The following ROS1 variants were observed in gnomAD, a reference collection of about 807,000 sequenced individuals.
ROS1 encodes the protein proto-oncogene tyrosine-protein kinase ROS.
ROS1 carries 263 observed loss-of-function variants against 273.5 expected under a neutral mutation model. That is an observed-to-expected ratio of 0.96 (90% CI 0.87 to 1.06). The LOEUF (loss-of-function observed/expected upper bound fraction) is 1.06. Among genes scored for constraint, ROS1 ranks in the 50% least tolerant of loss-of-function variants. The probability of loss-of-function intolerance (pLI) is 0.00; values close to 1 mark genes in which losing one functional copy is unlikely to be tolerated. For missense variants in ROS1, 2,833 were observed against 2,751.1 expected (o/e 1.03, Z -0.67); for synonymous variants, 1,008 against 954.1 (o/e 1.06, Z -1.04).
chr6:117,351,785 G>C (rs946696569), intron 27 of ROS1, among the ~76,000 whole-genome samples: 8 of 152,158 alleles, frequency 5.3e-5, no homozygotes, highest in African/African-American at 1.9e-4. Flanking sequence ...TTTTTGGGTG[G>C]AGTGGCAATT....
intron 18 of ROS1, among the ~76,000 whole-genome samples, chr6:117,372,336 A>C (rs1301422935): frequency 6.6e-6 from 1 of 152,236 alleles, no homozygotes; most frequent in Non-Finnish European, 1.5e-5. Flanking sequence ...ATGATCATAT[A>C]TCTAGAAAAC....
At chr6:117,342,699 T>C (rs887786405) in intron 28 of ROS1, among the ~76,000 whole-genome samples, 155 bp from the exon 29 acceptor site, 1 of 152,190 alleles carries the variant, frequency 6.6e-6, no homozygotes, top group Non-Finnish European at 1.5e-5. Context: ...CTGTCCAATC[T>C]ACCCAGACCT....
Position 117,310,159 on chromosome 6 carries a change from C to T in ROS1, c.6338G>A (p.Gly2113Glu), listed in dbSNP as rs757128233. Residue 2113 changes from glycine (G) to glutamate (E), a missense_variant, in exon 41 of 44, where the codon GGG becomes GAG. Transcript: ENST00000368507. ...CCACCGAACTGGGAGCAGGCCTTCC[C>T]CTCTCTTTCTATAGTAATCATTTTT... ...IYKNDYYRKR[G>E]EGLLPVRWMA... 1.9e-6 allele frequency: 3 copies of T among 1,613,482 alleles called. No individual in the cohort carries two copies. In the South Asian group the frequency reaches 3.3e-5, roughly 18 times the overall value.
intron 1 of ROS1, 77 bp from the exon 2 acceptor site, chr6:117,418,583 C>A: frequency 5.5e-6 from 6 of 1,100,300 alleles, no homozygotes; most frequent in Non-Finnish European, 7.8e-6. Context: ...TTTAAAAAAG[C>A]TTCCTGAAAT....
intron 4 of ROS1, among the ~76,000 whole-genome samples, chr6:117,412,605 C>CAGATAGAT (rs3836982): frequency 0.012 from 1,848 of 151,254 alleles, 9 homozygotes; most frequent in Middle Eastern, 0.041. Context: ...GATAGATAGA[C>CAGATAGAT]AGATAGATAG....
chr6:117,418,471 CA>C lies in ROS1; in HGVS notation c.158del (p.Leu53ArgfsTer15). 11 of 1,597,220 alleles carry C rather than the reference CA, an allele frequency of 6.9e-6. No homozygotes were observed. The highest frequency in any genetic ancestry group is 8.5e-6 in the Non-Finnish European group (10 of 1,173,970). ...QQLDLGTPHN[L>X]SEPCIQGCHF... ...TGAAGAAATTACTTACCGGTTCACT[CA>C]GATTATGTGGTGTGCCAAGGTCAAG... On this transcript the variant is annotated frameshift_variant, in exon 2 of 44. Transcript: ENST00000368507. LOFTEE classifies it high-confidence loss of function.
At chr6:117,350,788 C>T (rs1159714949) in intron 27 of ROS1, among the ~76,000 whole-genome samples, 1 of 151,498 alleles carries the variant, frequency 6.6e-6, no homozygotes, top group Non-Finnish European at 1.5e-5. Context: ...TACTATTAAG[C>T]CCATCAAACA....
rs141385549 is a variant in ROS1 at position 117,365,159 on chromosome 6, C to T, written c.3004G>A (p.Gly1002Arg). 1.9e-6 allele frequency: 3 copies of T among 1,612,772 alleles called. No individual in the cohort carries two copies. The African/African-American group carries it at 4.0e-5, about 22-fold the overall frequency. ...TTAAATAAGGCATAAGGTTCCAGTC[C>T]TTCCACAGTAAATACAGGTAAAGAG... ...QHSLPVFTVE[G>R]LEPYALFNLS... is the part of the protein sequence containing the mutation. The change falls in exon 21 of 44, where the codon GGA (glycine) becomes AGA (arginine). Residue 1002 changes from glycine to arginine, a missense_variant. Coordinates refer to ENST00000368507, the MANE Select transcript of ROS1 (RefSeq NM_001378902.1).
intron 3 of ROS1, 40 bp downstream of exon 3, chr6:117,416,218 G>T (rs760001926): frequency 1.1e-5 from 13 of 1,205,490 alleles, no homozygotes; most frequent in Non-Finnish European, 1.6e-5. Context: ...CCTCTTGAAA[G>T]AAACATCAGT....
At position 117,288,724 on chromosome 6, in the gene ROS1, C is replaced by A. The variant is rs749542060; in HGVS notation, c.6794G>T (p.Gly2265Val). 3.1e-6 allele frequency: 5 copies of A among 1,614,018 alleles called. No homozygotes were observed. The highest frequency in any genetic ancestry group is 2.5e-6 in the Non-Finnish European group (3 of 1,179,980). ...VALMETKNRE[G>V]LNYMVLATEC... ...TGTAGCAAGTACCATATAGTTTAAC[C>A]CTTCTCGGTTCTTCGTTTCCATTAA... Residue 2265 changes from glycine (G) to valine (V), a missense_variant, in exon 44 of 44, where the codon GGG (glycine) becomes GTG (valine). Transcript: ENST00000368507.
rs117275980 is a variant in ROS1 at position 117,298,886 on chromosome 6, T to A, written c.6715+2088A>T. ...ATTTTTTTAATTATCAAAATTTTAT[T>A]CAGAGAAATGTCTCATTAAGTAAAT... is the stretch of plus-strand genomic sequence containing the variant. On this transcript the variant is annotated intron_variant, in intron 43 of 43. Coordinates refer to ENST00000368507, the MANE Select transcript of ROS1 (RefSeq NM_001378902.1). Among the ~76,000 whole-genome samples the A allele has an allele frequency of 1.6e-3, 249 of 152,312 alleles. 3 individuals are homozygous for A. Among genetic ancestry groups the A allele is most frequent in the East Asian group, 8.1e-3 (42 of 5,172 alleles).
intron 43 of ROS1, among the ~76,000 whole-genome samples, chr6:117,295,144 C>T (rs1774126464): frequency 1.3e-5 from 2 of 151,930 alleles, no homozygotes; most frequent in South Asian, 2.1e-4. Context: ...GAATGGAATA[C>T]ATAAAAAAGA....
chr6:117,419,234 G>A (rs1775569102), intron 1 of ROS1, among the ~76,000 whole-genome samples: 1 of 152,164 alleles, frequency 6.6e-6, no homozygotes, highest in Non-Finnish European at 1.5e-5. Context: ...CTGGAACACT[G>A]CCTGCTAGAA....
rs780260360 is a variant in ROS1, at chr6:117,366,179, A to G, written c.2694T>C (p.Ile898=). Residue 898 remains isoleucine (I), a synonymous_variant, in exon 19 of 44, where the codon ATT becomes ATC. Transcript: ENST00000368507. ...GRLFWINGFR[I]ITTQEIGQKT... ...TCTGACCTATTTCTTGAGTTGTGATAATCCTAAAGCCATTGATCCAGAACA... is the reference window on the plus strand; with the variant it reads ...TCTGACCTATTTCTTGAGTTGTGATGATCCTAAAGCCATTGATCCAGAACA... 3.1e-6 allele frequency: 5 copies of G among 1,613,974 alleles called. No homozygotes were observed. The highest frequency in any genetic ancestry group is 3.3e-5 in the Admixed American group (2 of 60,004).
intron 7 of ROS1, among the ~76,000 whole-genome samples, chr6:117,402,451 C>T (rs1399733941): frequency 6.6e-6 from 1 of 152,228 alleles, no homozygotes; most frequent in Admixed American, 6.5e-5. Context: ...GCCTCTCCTT[C>T]CCTCTTCACT....
chr6:117,387,770 A>T lies in ROS1; in HGVS notation c.1999+10T>A, dbSNP rs145328913. On this transcript the variant is annotated intron_variant, in intron 14 of 43. Transcript: ENST00000368507. Reference sequence around the variant, plus strand: ...GAGAGTCACTCCCTAAATCCAGAACATTTTCTCACCTGGCACCAGGGTAGT... The same window carrying T: ...GAGAGTCACTCCCTAAATCCAGAACTTTTTCTCACCTGGCACCAGGGTAGT... The T allele has an allele frequency of 6.2e-7, 1 of 1,608,728 alleles. No homozygotes were observed. The highest frequency in any genetic ancestry group is 1.3e-5 in the African/African-American group (1 of 74,698).
At chr6:117,350,228 T>G (rs1778714618) in intron 27 of ROS1, among the ~76,000 whole-genome samples, 1 of 152,060 alleles carries the variant, frequency 6.6e-6, no homozygotes, top group Non-Finnish European at 1.5e-5. Context: ...TATTGCTCCT[T>G]CTCTTTTGAA....
intron 9 of ROS1, among the ~76,000 whole-genome samples, chr6:117,395,733 A>G (rs186133137): frequency 3.3e-5 from 5 of 152,286 alleles, no homozygotes; most frequent in Admixed American, 3.3e-4. Flanking sequence ...GGCAGACTGA[A>G]TACTTATATA....
At chr6:117,366,834 A>T (rs982101629) in intron 18 of ROS1, among the ~76,000 whole-genome samples, 2 of 152,110 alleles carry the variant, frequency 1.3e-5, no homozygotes, top group African/African-American at 2.4e-5. Context: ...TATTAATGTG[A>T]TATTGCAATA....
Sources: gnomAD v4.1 joint callset for allele counts (sites outside exome capture counted in the v4.1 genomes callset) on GRCh38, gnomAD v4.1.1 for gene constraint, MANE v1.5 for transcripts, NCBI Gene and HGNC (gene_info 2026-07-23, HGNC 2026-07-21) for gene names.